The following PGBD2 variants were observed in gnomAD, a reference collection of about 807,000 sequenced individuals.
PGBD2 encodes the protein piggyBac transposable element-derived protein 2.
In PGBD2, 6 loss-of-function variants were observed where a neutral mutation model predicts 8.1. The ratio of observed to expected loss-of-function variants is 0.74; its 90% CI spans 0.40 to 1.46. The LOEUF is 1.46. Ranked by LOEUF, PGBD2 falls within the 40% of genes most tolerant of loss-of-function variation. The pLI, the probability that PGBD2 is intolerant of heterozygous loss-of-function variation, is 0.02. For missense variants in PGBD2, 802 were observed against 739.0 expected (o/e 1.09, Z -0.99); for synonymous variants, 318 against 272.2 (o/e 1.17, Z -1.66).
the PGBD2 span, among the ~76,000 whole-genome samples, chr1:248,882,358 A>T: frequency 6.6e-6 from 1 of 152,346 alleles, no homozygotes; most frequent in East Asian, 1.9e-4. Context: ...GTATACAGAG[A>T]TAAGAATTTA....
chr1:248,908,112 A>T (rs1661725689), intron 1 of PGBD2, among the ~76,000 whole-genome samples: 1 of 152,178 alleles, frequency 6.6e-6, no homozygotes, highest in South Asian at 2.1e-4. Flanking sequence ...TACAGGCCTT[A>T]TTCGAATTTC....
chr1:248,873,236 C>G, the PGBD2 span, among the ~76,000 whole-genome samples: 1 of 152,162 alleles, frequency 6.6e-6, no homozygotes, highest in South Asian at 2.1e-4. Context: ...CCATTGGACG[C>G]TAAGGCACTC....
the PGBD2 span, among the ~76,000 whole-genome samples, chr1:248,925,282 C>G: frequency 6.6e-6 from 1 of 152,216 alleles, no homozygotes; most frequent in African/African-American, 2.4e-5. Flanking sequence ...TGCGAGGTGT[C>G]TCAGAGAGCT....
chr1:248,920,292 TC>T (rs1223749390), downstream of PGBD2, among the ~76,000 whole-genome samples: 1 of 151,620 alleles, frequency 6.6e-6, no homozygotes, highest in East Asian at 1.9e-4. Flanking sequence ...ATGCTATCCC[TC>T]CCCTAGCCCC....
the PGBD2 span, among the ~76,000 whole-genome samples, chr1:248,883,498 G>A: frequency 6.6e-6 from 1 of 151,034 alleles, no homozygotes; most frequent in African/African-American, 2.4e-5. Context: ...ATAGATTCTG[G>A]ATATTAGGCC....
chr1:248,913,578 A>G (rs1313941366), intron 1 of PGBD2, among the ~76,000 whole-genome samples: 1 of 152,094 alleles, frequency 6.6e-6, no homozygotes, highest in Non-Finnish European at 1.5e-5. Context: ...AAGCCCCGCC[A>G]CCCCACAAGG....
chr1:248,914,416 G>T, intron 2 of PGBD2: 1 of 1,244,658 alleles, frequency 8.0e-7, no homozygotes, highest in Non-Finnish European at 1.0e-6. Flanking sequence ...CTTTAAGCCG[G>T]TCTCTTTTTC....
chr1:248,920,567 A>T (rs1662263464), downstream of PGBD2, among the ~76,000 whole-genome samples: 1 of 152,148 alleles, frequency 6.6e-6, no homozygotes, highest in African/African-American at 2.4e-5. Flanking sequence ...GGTTGGTTCC[A>T]AGTCTTTGCT....
chr1:248,904,597 G>C (rs915035362), upstream of PGBD2, among the ~76,000 whole-genome samples: 2 of 152,092 alleles, frequency 1.3e-5, no homozygotes, highest in Non-Finnish European at 2.9e-5. Context: ...TCATTTCTTT[G>C]ACTTTCTTTT....
the PGBD2 span, among the ~76,000 whole-genome samples, chr1:248,895,177 C>A: frequency 6.6e-6 from 1 of 152,098 alleles, no homozygotes; most frequent in Non-Finnish European, 1.5e-5. Flanking sequence ...TTGGGTCAAC[C>A]AACAACAGGC....
the PGBD2 span, among the ~76,000 whole-genome samples, chr1:248,885,718 C>T: frequency 6.6e-6 from 1 of 152,210 alleles, no homozygotes; most frequent in East Asian, 1.9e-4. Context: ...ATATTTGAAG[C>T]TGACCATAAG....
Position 248,917,070 on chromosome 1 carries a change from TC to T in PGBD2, c.487del (p.Arg163ValfsTer10). The T allele has an allele frequency of 6.2e-7, 1 of 1,613,700 alleles. No individual in the cohort carries two copies. Among genetic ancestry groups the T allele is most frequent in the Non-Finnish European group, 8.5e-7 (1 of 1,179,926 alleles). On this transcript the variant is annotated frameshift_variant, in exon 3 of 3. Coordinates refer to ENST00000329291, the MANE Select transcript of PGBD2 (RefSeq NM_170725.3). LOFTEE classifies it low-confidence loss of function (END_TRUNC). Reference sequence around the variant, plus strand: ...TTAATTTCATTGTTAATGAAACCAATCGTTATGCTTGGCAGAAAAATGTCAA... The same window carrying T: ...TTAATTTCATTGTTAATGAAACCAATGTTATGCTTGGCAGAAAAATGTCAA... ...TINFIVNETN[R>X]YAWQKNVNLS...
the PGBD2 span, among the ~76,000 whole-genome samples, chr1:248,874,690 C>T: frequency 2.6e-5 from 4 of 152,160 alleles, no homozygotes; most frequent in Non-Finnish European, 4.4e-5. Context: ...GTCCTAGCTC[C>T]TTAACGACGC....
chr1:248,878,549 C>G, the PGBD2 span, among the ~76,000 whole-genome samples: 376 of 152,206 alleles, frequency 2.5e-3, 5 homozygotes, highest in African/African-American at 8.6e-3. Flanking sequence ...GACTTTCTCT[C>G]TTATTTAAAT....
the PGBD2 span, among the ~76,000 whole-genome samples, chr1:248,877,744 T>C: frequency 6.6e-6 from 1 of 152,170 alleles, no homozygotes; most frequent in Non-Finnish European, 1.5e-5. Flanking sequence ...CTATGATGGC[T>C]AATAGAAGGT....
chr1:248,888,228 C>T, the PGBD2 span, among the ~76,000 whole-genome samples: 1 of 152,088 alleles, frequency 6.6e-6, no homozygotes, highest in Non-Finnish European at 1.5e-5. Context: ...CTTATGAGCG[C>T]AGGTGTCTTT....
chr1:248,902,037 G>A (rs1298009868), upstream of PGBD2, among the ~76,000 whole-genome samples: 2 of 152,160 alleles, frequency 1.3e-5, no homozygotes, highest in Non-Finnish European at 2.9e-5. Context: ...CAGAGGCCAA[G>A]GCAAGCGGAT....
chr1:248,923,995 A>G (rs1313684370), downstream of PGBD2, among the ~76,000 whole-genome samples: 1 of 152,210 alleles, frequency 6.6e-6, no homozygotes, highest in African/African-American at 2.4e-5. Context: ...TTAAAAAGGA[A>G]AAAACCAAGG....
chr1:248,898,964 G>A, the PGBD2 span, among the ~76,000 whole-genome samples: 1 of 152,088 alleles, frequency 6.6e-6, no homozygotes, highest in Non-Finnish European at 1.5e-5. Flanking sequence ...TGTAGTTTCT[G>A]ACAAAACAGA....
Sources: gnomAD v4.1 joint callset for allele counts (sites outside exome capture counted in the v4.1 genomes callset) on GRCh38, gnomAD v4.1.1 for gene constraint, MANE v1.5 for transcripts, NCBI Gene and HGNC (gene_info 2026-07-23, HGNC 2026-07-21) for gene names.